ZC3H12B: variants seen among roughly 807,000 people sequenced by gnomAD.
The protein encoded by ZC3H12B is zinc finger CCCH-type containing 12B.
Under a neutral mutation model 43.9 loss-of-function variants are expected in ZC3H12B, and 7 were observed. The ratio of observed to expected loss-of-function variants is 0.16; its 90% CI spans 0.09 to 0.30. ZC3H12B has a LOEUF of 0.30. Ranked by LOEUF, ZC3H12B falls within the 10% of genes least tolerant of loss-of-function variation. The pLI, the probability that ZC3H12B is intolerant of heterozygous loss-of-function variation, is 1.00. For missense variants in ZC3H12B, 475 were observed against 670.2 expected (o/e 0.71, Z 3.22); for synonymous variants, 222 against 241.7 (o/e 0.92, Z 0.76).
At chrX:65,188,081 T>C in the ZC3H12B span, among the ~76,000 whole-genome samples, 604 of 111,624 alleles carry the variant, frequency 5.4e-3, 8 homozygotes, top group African/African-American at 0.019. Flanking sequence ...TACCTGGCTT[T>C]TTTCACTTAA....
the ZC3H12B span, among the ~76,000 whole-genome samples, chrX:65,220,318 G>A: frequency 9.0e-6 from 1 of 111,422 alleles, no homozygotes; most frequent in African/African-American, 3.3e-5. Context: ...TGCTGAGACA[G>A]CAAATAGCAT....
chrX:65,224,647 T>A, the ZC3H12B span, among the ~76,000 whole-genome samples: 1 of 111,995 alleles, frequency 8.9e-6, no homozygotes, highest in African/African-American at 3.2e-5. Flanking sequence ...AGATGGCACC[T>A]GGAAAATCGG....
the ZC3H12B span, among the ~76,000 whole-genome samples, chrX:65,178,326 A>C: frequency 8.9e-6 from 1 of 112,020 alleles, no homozygotes; most frequent in Non-Finnish European, 1.9e-5. Context: ...GAAAACCTAG[A>C]CAATACCATT....
the ZC3H12B span, among the ~76,000 whole-genome samples, chrX:65,342,305 GC>G: frequency 9.0e-6 from 1 of 111,350 alleles, no homozygotes; most frequent in Non-Finnish European, 1.9e-5. Flanking sequence ...ATCAAATGGG[GC>G]TGATAGACAT....
At chrX:65,424,226 A>C (rs1468555218) in intron 3 of ZC3H12B, among the ~76,000 whole-genome samples, 2 of 112,089 alleles carry the variant, frequency 1.8e-5, no homozygotes, top group Non-Finnish European at 3.8e-5. Context: ...TGTGATATTG[A>C]GGTATTTTTT....
At chrX:65,257,116 G>A in the ZC3H12B span, among the ~76,000 whole-genome samples, 12 of 112,135 alleles carry the variant, frequency 1.1e-4, no homozygotes, top group Admixed American at 4.7e-4. Flanking sequence ...TATACCCAAA[G>A]GATTATAAAC....
At chrX:65,313,163 G>T in the ZC3H12B span, among the ~76,000 whole-genome samples, 44 of 111,980 alleles carry the variant, frequency 3.9e-4, 1 homozygote, top group Non-Finnish European at 1.1e-4. Flanking sequence ...TTACAGGCAT[G>T]AGCCACCATG....
At chrX:65,264,266 C>A in the ZC3H12B span, among the ~76,000 whole-genome samples, 1 of 111,405 alleles carries the variant, frequency 9.0e-6, no homozygotes, top group Admixed American at 9.5e-5. Flanking sequence ...CTATACAGTT[C>A]ATCCATGTGA....
chrX:65,097,214 A>G, the ZC3H12B span, among the ~76,000 whole-genome samples: 3 of 112,017 alleles, frequency 2.7e-5, no homozygotes, highest in African/African-American at 9.7e-5. Flanking sequence ...CTTGAAAAAT[A>G]TGTCAAATCT....
chrX:65,207,353 G>A, the ZC3H12B span, among the ~76,000 whole-genome samples: 1 of 109,839 alleles, frequency 9.1e-6, no homozygotes, highest in African/African-American at 3.3e-5. Context: ...TGGAATTGGA[G>A]ACTATTATTC....
chrX:65,303,409 T>C, the ZC3H12B span, among the ~76,000 whole-genome samples: 1 of 112,219 alleles, frequency 8.9e-6, no homozygotes, highest in African/African-American at 3.2e-5. Context: ...AATTAAACAA[T>C]GTTATTTGCT....
At chrX:65,237,274 G>A in the ZC3H12B span, among the ~76,000 whole-genome samples, 2 of 110,903 alleles carry the variant, frequency 1.8e-5, no homozygotes, top group Non-Finnish European at 3.8e-5. Flanking sequence ...TTTTGAAGAG[G>A]TCCTTCACCT....
chrX:65,084,154 A>T, the ZC3H12B span, among the ~76,000 whole-genome samples: 1 of 112,355 alleles, frequency 8.9e-6, no homozygotes, highest in Non-Finnish European at 1.9e-5. Context: ...ATATGAAATT[A>T]TTACAAGAAA....
intron 3 of ZC3H12B, among the ~76,000 whole-genome samples, chrX:65,454,197 C>T (rs1478238045): frequency 3.5e-5 from 4 of 112,815 alleles, no homozygotes; most frequent in African/African-American, 1.3e-4. Context: ...GAGGCATCAC[C>T]TCACCTGGGA....
chrX:65,358,035 G>T, the ZC3H12B span, among the ~76,000 whole-genome samples: 3 of 103,440 alleles, frequency 2.9e-5, no homozygotes, highest in Non-Finnish European at 5.7e-5. Flanking sequence ...AAAAAAAACA[G>T]CCCTTGCAAT....
At chrX:65,268,364 C>G in the ZC3H12B span, among the ~76,000 whole-genome samples, 1 of 111,634 alleles carries the variant, frequency 9.0e-6, no homozygotes, top group Non-Finnish European at 1.9e-5. Context: ...AGTTTTTAAA[C>G]TCTTTCAAAA....
the ZC3H12B span, among the ~76,000 whole-genome samples, chrX:65,112,806 T>C: frequency 8.9e-6 from 1 of 111,837 alleles, no homozygotes; most frequent in Non-Finnish European, 1.9e-5. Flanking sequence ...AACAGATTAA[T>C]GTTGTTTTCA....
the ZC3H12B span, among the ~76,000 whole-genome samples, chrX:65,169,553 C>A: frequency 8.9e-6 from 1 of 111,784 alleles, no homozygotes; most frequent in Non-Finnish European, 1.9e-5. Flanking sequence ...ATTAGATCTG[C>A]TTAGTGCACA....
At chrX:65,118,676 G>A in the ZC3H12B span, among the ~76,000 whole-genome samples, 2 of 109,664 alleles carry the variant, frequency 1.8e-5, no homozygotes, top group Non-Finnish European at 3.8e-5. Flanking sequence ...TATACTTTAA[G>A]CTTTATGGTA....
Sources: gnomAD v4.1 joint callset for allele counts (sites outside exome capture counted in the v4.1 genomes callset) on GRCh38, gnomAD v4.1.1 for gene constraint, MANE v1.5 for transcripts, NCBI Gene and HGNC (gene_info 2026-07-23, HGNC 2026-07-21) for gene names.